The following COL4A5 variants were observed in gnomAD, a reference collection of about 807,000 sequenced individuals.
COL4A5 encodes the protein collagen alpha-5(IV) chain.
COL4A5 carries 26 observed loss-of-function variants against 130.2 expected under a neutral mutation model. The observed-to-expected ratio is 0.20, with a 90% CI of 0.15 to 0.28. The LOEUF is 0.28. Among genes scored for constraint, COL4A5 ranks in the 10% least tolerant of loss-of-function variants. COL4A5 has a pLI of 1.00. For synonymous variants in COL4A5, 496 were observed against 439.6 expected (o/e 1.13, Z -1.60); for missense variants, 1,131 against 1,344.3 (o/e 0.84, Z 2.48).
At chrX:108,544,402 G>A (rs998540712) in intron 2 of COL4A5, among the ~76,000 whole-genome samples, 1 of 112,206 alleles carries the variant, frequency 8.9e-6, no homozygotes, top group African/African-American at 3.2e-5. Context: ...TTTATATGCT[G>A]GATTACATTT....
At chrX:108,648,000 T>C (rs1391930318) in intron 36 of COL4A5, among the ~76,000 whole-genome samples, 2 of 111,494 alleles carry the variant, frequency 1.8e-5, no homozygotes, top group Non-Finnish European at 3.8e-5. Flanking sequence ...TTATTGAGGA[T>C]TTTTGCATCA....
intron 1 of COL4A5, among the ~76,000 whole-genome samples, chrX:108,494,491 G>C (rs1225498896): frequency 9.0e-6 from 1 of 111,173 alleles, no homozygotes; most frequent in Non-Finnish European, 1.9e-5. Flanking sequence ...AATATTTCAA[G>C]TTTTAACACA....
At chrX:108,603,152 C>T in intron 28 of COL4A5, 91 bp downstream of exon 28, 1 of 558,819 alleles carries the variant, frequency 1.8e-6, no homozygotes, top group Non-Finnish European at 3.0e-6. Flanking sequence ...GATATCATCC[C>T]AAGCCCCAAG....
chrX:108,492,390 A>G (rs1369897428), intron 1 of COL4A5, among the ~76,000 whole-genome samples: 3 of 112,242 alleles, frequency 2.7e-5, no homozygotes, highest in Non-Finnish European at 3.8e-5. Flanking sequence ...AAACAAACAA[A>G]CAACTACTAT....
At chrX:108,487,084 C>G (rs1339240369) in intron 1 of COL4A5, among the ~76,000 whole-genome samples, 2 of 111,962 alleles carry the variant, frequency 1.8e-5, no homozygotes, top group African/African-American at 6.5e-5. Context: ...ACATTCCCCC[C>G]AGTAGTGTAG....
chrX:108,452,709 C>G (rs1352669108), intron 1 of COL4A5, among the ~76,000 whole-genome samples: 1 of 112,001 alleles, frequency 8.9e-6, no homozygotes, highest in African/African-American at 3.3e-5. Context: ...TGCTTATCAG[C>G]TTAAGGAGAT....
intron 28 of COL4A5, 93 bp from the exon 29 acceptor site, chrX:108,606,649 C>G: frequency 1.0e-6 from 1 of 972,332 alleles, no homozygotes; most frequent in Admixed American, 2.2e-5. Context: ...AAAGTATTGT[C>G]TTGTATTTTC....
chrX:108,627,481 C>T (rs1157620886), intron 36 of COL4A5: 2 of 745,571 alleles, frequency 2.7e-6, no homozygotes, highest in Non-Finnish European at 3.2e-6. Context: ...ATCACTTACC[C>T]CTTTTTATTT....
At chrX:108,626,610 C>G in intron 36 of COL4A5, 1 of 1,085,144 alleles carries the variant, frequency 9.2e-7, no homozygotes, top group Non-Finnish European at 1.2e-6. Context: ...TCAATAATCT[C>G]AATGCCTAGA....
At chrX:108,692,697 A>G (rs1259709338) in intron 49 of COL4A5, 51 bp from the exon 50 acceptor site, 1 of 1,149,341 alleles carries the variant, frequency 8.7e-7, no homozygotes, top group African/African-American at 1.8e-5. Context: ...GAAGAAACCA[A>G]AGTATCATTA....
rs958142902 is a variant in COL4A5, at chrX:108,650,370, C to G, written c.3247-4961C>G. Reference sequence around the variant, plus strand: ...TACTCTCGAAAAGAGTGTGGAGATTCCTTAAAGAACTAAAAGTAGAACTAC... The same window carrying G: ...TACTCTCGAAAAGAGTGTGGAGATTGCTTAAAGAACTAAAAGTAGAACTAC... On this transcript the variant is annotated intron_variant, in intron 36 of 52. Coordinates refer to ENST00000328300, the MANE Select transcript of COL4A5 (RefSeq NM_033380.3). 7.2e-5 allele frequency among the ~76,000 whole-genome samples: 8 copies of G among 110,992 alleles called. No homozygotes were observed. The East Asian group carries it at 1.7e-3, about 24-fold the overall frequency.
At chrX:108,677,012 A>G (rs895039121) in intron 43 of COL4A5, 2 of 112,312 alleles carry the variant, frequency 1.8e-5, no homozygotes, top group Non-Finnish European at 3.7e-5. Flanking sequence ...AGTTCAATCT[A>G]TAACTGAACA....
chrX:108,458,785 C>T (rs2064610184), intron 1 of COL4A5, among the ~76,000 whole-genome samples: 1 of 111,337 alleles, frequency 9.0e-6, no homozygotes, highest in Non-Finnish European at 1.9e-5. Flanking sequence ...TAGAGACCAT[C>T]CTGGCTAACA....
chrX:108,477,170 C>T (rs972407420), intron 1 of COL4A5, among the ~76,000 whole-genome samples: 2 of 111,869 alleles, frequency 1.8e-5, no homozygotes, highest in African/African-American at 6.5e-5. Flanking sequence ...CCCTCAGAGA[C>T]ACGCCTAGGA....
chrX:108,674,346 C>A, intron 42 of COL4A5: 1 of 123,551 alleles, frequency 8.1e-6, no homozygotes, highest in Non-Finnish European at 1.7e-5. Context: ...CAGCATTAAT[C>A]CAAAAATACC....
intron 1 of COL4A5, among the ~76,000 whole-genome samples, chrX:108,507,275 A>G (rs939094895): frequency 2.8e-5 from 3 of 108,285 alleles, no homozygotes; most frequent in African/African-American, 1.0e-4. Flanking sequence ...AAAAAAAAAA[A>G]GAAAACTTCA....
At chrX:108,458,713 G>A (rs185732075) in intron 1 of COL4A5, among the ~76,000 whole-genome samples, 1 of 112,034 alleles carries the variant, frequency 8.9e-6, no homozygotes, top group South Asian at 3.7e-4. Flanking sequence ...GGGTGCGGTG[G>A]CTCACGCCTG....
At chrX:108,663,281 T>C (rs2068001165) in intron 37 of COL4A5, among the ~76,000 whole-genome samples, 1 of 112,023 alleles carries the variant, frequency 8.9e-6, no homozygotes. Flanking sequence ...GTAGTGGGCT[T>C]ATTCTATCTT....
chrX:108,589,282 G>A (rs1049145228), intron 19 of COL4A5, among the ~76,000 whole-genome samples: 2 of 110,669 alleles, frequency 1.8e-5, no homozygotes, highest in African/African-American at 6.5e-5. Flanking sequence ...AGCCACTAGA[G>A]AAGAATAGAA....
Sources: gnomAD v4.1 joint callset for allele counts (sites outside exome capture counted in the v4.1 genomes callset) on GRCh38, gnomAD v4.1.1 for gene constraint, MANE v1.5 for transcripts, NCBI Gene and HGNC (gene_info 2026-07-23, HGNC 2026-07-21) for gene names.